Variants in AKAP11 observed in about 807,000 individuals in gnomAD.
AKAP11 encodes A-kinase anchoring protein 11, also known as A-kinase anchor protein 11.
In AKAP11, 36 loss-of-function variants were observed where a neutral mutation model predicts 146.1. The ratio of observed to expected loss-of-function variants is 0.25; its 90% CI spans 0.19 to 0.33. The LOEUF is 0.33. AKAP11 is among the 10% of genes least tolerant of loss of function. AKAP11 has a pLI of 1.00. For synonymous variants in AKAP11, 780 were observed against 786.5 expected, an observed-to-expected ratio of 0.99 and a Z score of 0.14; for missense variants, 2,201 against 2,197.0, an observed-to-expected ratio of 1.00 and a Z score of -0.04.
Position 42,301,541 on chromosome 13 carries a change from G to C in AKAP11, c.2795G>C (p.Ser932Thr). ...GCAGTGCTGCAATGCAGTGAAGCTA[G>C]TAGCAATAAGGACATGTTTGCTGAC... Reference protein sequence around the residue: ...DQAVLQCSEASSNKDMFADRL... With the variant: ...DQAVLQCSEATSNKDMFADRL... The change falls in exon 8 of 13, where the codon AGT (serine) becomes ACT (threonine). Residue 932 changes from serine to threonine, a missense_variant. This residue lies in a region of AKAP11 where 1,867 missense variants were observed against 1,833.5 expected (regional missense o/e 1.02). Coordinates refer to ENST00000025301, the MANE Select transcript of AKAP11 (RefSeq NM_016248.4). 6.2e-7 allele frequency: 1 copy of C among 1,614,106 alleles called. No homozygotes were observed. Among genetic ancestry groups the C allele is most frequent in the Non-Finnish European group, 8.5e-7 (1 of 1,179,978 alleles).
rs777692659 is a variant in AKAP11, at chr13:42,286,413, A to G, written c.51+14A>G. ...TCTGTCAGAAAAGTAAGTTCACTCT[A>G]TTAGGTTTCTTTTAGTGAAAGTTTT... On this transcript the variant is annotated intron_variant, in intron 3 of 12. Transcript: ENST00000025301. 4 of 1,573,598 alleles carry G rather than the reference A, an allele frequency of 2.5e-6. No individual in the cohort carries two copies. Among genetic ancestry groups the G allele is most frequent in the African/African-American group, 1.4e-5 (1 of 72,938 alleles).
intron 3 of AKAP11, 52 bp from the exon 4 acceptor site, chr13:42,292,333 T>C: frequency 8.5e-7 from 1 of 1,169,826 alleles, no homozygotes; most frequent in African/African-American, 1.5e-5. Flanking sequence ...TCTCTTACCC[T>C]TGTCTTAGAA....
chr13:42,291,898 A>G (rs528526802), intron 3 of AKAP11, among the ~76,000 whole-genome samples: 1 of 152,340 alleles, frequency 6.6e-6, no homozygotes, highest in Admixed American at 6.5e-5. Context: ...CTTAAGATCC[A>G]TGGAAAACCT....
At chr13:42,272,877 T>A (rs925548946) in intron 1 of AKAP11, among the ~76,000 whole-genome samples, 1 of 152,234 alleles carries the variant, frequency 6.6e-6, no homozygotes, top group Non-Finnish European at 1.5e-5. Context: ...GCATCTAAGC[T>A]GCTTTATAAA....
chr13:42,315,221 A>C (rs1960763257), intron 11 of AKAP11, among the ~76,000 whole-genome samples: 1 of 152,166 alleles, frequency 6.6e-6, no homozygotes, highest in Admixed American at 6.5e-5. Context: ...CCCAGTTTTT[A>C]AGCTGTAATC....
At chr13:42,313,770 C>A in intron 10 of AKAP11, 124 bp from the exon 11 acceptor site, 1 of 724,458 alleles carries the variant, frequency 1.4e-6, no homozygotes, top group Non-Finnish European at 2.2e-6. Flanking sequence ...TGTCATTTCT[C>A]CCCTTTCTAA....
At position 42,297,101 on chromosome 13, in the gene AKAP11, C is replaced by A. The variant is rs760592099; in HGVS notation, c.270C>A (p.Phe90Leu). The A allele has an allele frequency of 6.3e-7, 1 of 1,589,630 alleles. No individual in the cohort carries two copies. The highest frequency in any genetic ancestry group is 1.2e-5 in the South Asian group (1 of 86,428). The change falls in exon 6 of 13, where the codon TTC (phenylalanine) becomes TTA (leucine). Residue 90 changes from phenylalanine (F) to leucine (L), a missense_variant. Phe to Leu is a conservative substitution (Grantham distance 22). This residue lies in a region of AKAP11 where 331 missense variants were observed against 347.4 expected (regional missense o/e 0.95). Coordinates refer to ENST00000025301, the MANE Select transcript of AKAP11 (RefSeq NM_016248.4). ...ELPDILNSLH[F>L]CSLNENEIIC... The stretch of plus-strand genomic sequence containing the variant: ...CAGATATTCTGAATTCACTCCACTT[C>A]TGCAGTCTAAATGAAAATGAAATTA...
chr13:42,298,242 T>C (rs566595466), intron 6 of AKAP11, among the ~76,000 whole-genome samples: 21 of 152,158 alleles, frequency 1.4e-4, no homozygotes, highest in African/African-American at 5.1e-4. Flanking sequence ...TGTACAGTAA[T>C]ACAGGAAAAC....
At chr13:42,272,001 G>A (rs1345604067), upstream of AKAP11, among the ~76,000 whole-genome samples, 1 of 150,474 alleles carries the variant, frequency 6.6e-6, no homozygotes, top group Non-Finnish European at 1.5e-5. Context: ...CTGCCCTCTC[G>A]CGAGAGAGAG....
intron 9 of AKAP11, among the ~76,000 whole-genome samples, chr13:42,310,487 T>A (rs1274347972): frequency 2.0e-5 from 3 of 152,260 alleles, no homozygotes; most frequent in African/African-American, 7.2e-5. Context: ...CAAGATATGT[T>A]GCATCTGTTG....
intron 7 of AKAP11, 42 bp downstream of exon 7, chr13:42,298,839 A>G: frequency 6.5e-7 from 1 of 1,529,166 alleles, no homozygotes; most frequent in Non-Finnish European, 8.7e-7. Flanking sequence ...AGGGAATTAA[A>G]ATTTTTCAGT....
chr13:42,308,976 G>C lies in AKAP11; in HGVS notation c.5273+367G>C, dbSNP rs149457477. 7.0e-4 allele frequency among the ~76,000 whole-genome samples: 106 copies of C among 152,054 alleles called. No individual in the cohort carries two copies. The East Asian group carries it at 0.015, about 22-fold the overall frequency. On this transcript the variant is annotated intron_variant, in intron 9 of 12. Transcript: ENST00000025301. ...GAAAAAGGACAGGTATCTGTAAAAG[G>C]CATCAAAGTAGCCCTGTACTTTTCC...
intron 1 of AKAP11, among the ~76,000 whole-genome samples, chr13:42,279,609 TGGAACATATTTGTACTA>T (rs1959015414): frequency 6.6e-6 from 1 of 152,210 alleles, no homozygotes; most frequent in Non-Finnish European, 1.5e-5. Flanking sequence ...CTTGAGTATA[TGGAACATATTTGTACTA>T]TAGTTTTACA....
At chr13:42,310,811 A>G (rs1000552869) in intron 9 of AKAP11, among the ~76,000 whole-genome samples, 50 of 149,492 alleles carry the variant, frequency 3.3e-4, no homozygotes, top group Admixed American at 4.0e-4. Flanking sequence ...GTGAGCTGAG[A>G]TTGTGCCACT....
intron 5 of AKAP11, among the ~76,000 whole-genome samples, chr13:42,296,127 T>C (rs2138550953): frequency 6.6e-6 from 1 of 152,308 alleles, no homozygotes; most frequent in African/African-American, 2.4e-5. Context: ...CCTGTACATA[T>C]GATAGGCATA....
At chr13:42,279,283 T>A (rs2324861) in intron 1 of AKAP11, among the ~76,000 whole-genome samples, 21,468 of 121,136 alleles carry the variant, frequency 0.18, 1,624 homozygotes, top group African/African-American at 0.24. Context: ...ACACACACAC[T>A]CTCTCTCTCT....
At chr13:42,299,066 G>A (rs1339697362) in intron 7 of AKAP11, among the ~76,000 whole-genome samples, 1 of 152,116 alleles carries the variant, frequency 6.6e-6, no homozygotes, top group South Asian at 2.1e-4. Flanking sequence ...AACATTCCTA[G>A]GTTCCAATTT....
rs1960017121 is a variant in AKAP11 at position 42,302,796 on chromosome 13, T to G, written c.4050T>G (p.Ile1350Met). The change falls in exon 8 of 13, where the codon ATT becomes ATG. Residue 1350 changes from isoleucine to methionine, a missense_variant. Ile to Met is a conservative substitution (Grantham distance 10). This residue lies in a region of AKAP11 where 1,867 missense variants were observed against 1,833.5 expected (regional missense o/e 1.02). Transcript: ENST00000025301. ...SVTDEYAGHL[I>M]QILKQEGGNS... ...CAGATGAATATGCAGGTCACCTTAT[T>G]CAGATACTAAAACAGGAAGGTGGTA... 6.2e-7 allele frequency: 1 copy of G among 1,613,970 alleles called. No homozygotes were observed.
At chr13:42,278,968 G>A (rs1322680537) in intron 1 of AKAP11, among the ~76,000 whole-genome samples, 1 of 150,932 alleles carries the variant, frequency 6.6e-6, no homozygotes, top group Non-Finnish European at 1.5e-5. Flanking sequence ...TTTGAAGATA[G>A]TGCTCCATTG....
Sources: allele counts gnomAD v4.1 joint callset (sites outside exome capture counted in the v4.1 genomes callset), GRCh38; gene constraint gnomAD v4.1.1; regional missense constraint gnomAD v4.1.1; transcripts MANE v1.5; gene names NCBI Gene and HGNC (gene_info 2026-07-23, HGNC 2026-07-21).